SCTR: variants seen among roughly 807,000 people sequenced by gnomAD.
The protein encoded by SCTR is secretin receptor, also known as pancreatic secretin receptor.
In SCTR, 56 loss-of-function variants were observed where a neutral mutation model predicts 60.8. The observed-to-expected ratio is 0.92, with a 90% confidence interval of 0.74 to 1.15. SCTR has a LOEUF of 1.15. Among genes scored for constraint, SCTR ranks in the 50% most tolerant of loss-of-function variants. The pLI is 0.00. For missense variants in SCTR, 562 were observed against 550.4 expected (o/e 1.02, Z -0.21); for synonymous variants, 202 against 217.0 (o/e 0.93, Z 0.61).
chr2:119,507,190 A>G (rs986073473), intron 1 of SCTR, among the ~76,000 whole-genome samples: 7 of 152,236 alleles, frequency 4.6e-5, no homozygotes, highest in Non-Finnish European at 2.9e-5. Context: ...TTCAGGCATT[A>G]CATATGATTA....
chr2:119,523,389 CCGCTATTATTATTATTAT>C (rs1446989652), intron 1 of SCTR, among the ~76,000 whole-genome samples: 8 of 141,250 alleles, frequency 5.7e-5, no homozygotes, highest in African/African-American at 2.1e-4. Flanking sequence ...ACCCATCCTG[CCGCTATTATTATTATTAT>C]TATTATTATT....
chr2:119,517,680 T>C (rs1679157453), intron 1 of SCTR, among the ~76,000 whole-genome samples: 1 of 152,054 alleles, frequency 6.6e-6, no homozygotes, highest in South Asian at 2.1e-4. Flanking sequence ...CTGGATAGAC[T>C]TGGGGAAGTT....
chr2:119,451,422 A>G (rs992967273), intron 9 of SCTR, among the ~76,000 whole-genome samples: 3 of 152,098 alleles, frequency 2.0e-5, no homozygotes, highest in African/African-American at 7.2e-5. Context: ...AGCTATCAGT[A>G]TTTTCTAAAA....
chr2:119,497,251 C>A (rs769571702), intron 1 of SCTR, among the ~76,000 whole-genome samples: 2 of 152,206 alleles, frequency 1.3e-5, no homozygotes, highest in South Asian at 2.1e-4. Context: ...GCTCCTCCCC[C>A]ACTCTGCAGG....
At chr2:119,504,606 AAAAT>A (rs968545838) in intron 1 of SCTR, among the ~76,000 whole-genome samples, 1,843 of 152,062 alleles carry the variant, frequency 0.012, 34 homozygotes, top group African/African-American at 0.041. Flanking sequence ...ATAAAAATTA[AAAAT>A]AAATAAATAA....
chr2:119,514,130 T>A (rs914021815), intron 1 of SCTR, among the ~76,000 whole-genome samples: 1 of 152,186 alleles, frequency 6.6e-6, no homozygotes, highest in Non-Finnish European at 1.5e-5. Flanking sequence ...ACTTCCACCA[T>A]CTCTTTCTTT....
At chr2:119,479,006 G>T (rs1200456367) in intron 2 of SCTR, 88 bp from the exon 3 acceptor site, 1 of 1,564,536 alleles carries the variant, frequency 6.4e-7, no homozygotes, top group Admixed American at 1.9e-5. Context: ...ACCCTTGCCT[G>T]CCTGGAATTC....
chr2:119,468,207 G>T (rs1479171836), intron 4 of SCTR, among the ~76,000 whole-genome samples: 1 of 152,086 alleles, frequency 6.6e-6, no homozygotes, highest in African/African-American at 2.4e-5. Context: ...AGTGGATAAG[G>T]GCTATTTATA....
At chr2:119,462,582 G>A (rs767525594) in intron 6 of SCTR, among the ~76,000 whole-genome samples, 2 of 152,202 alleles carry the variant, frequency 1.3e-5, no homozygotes, top group Non-Finnish European at 2.9e-5. Flanking sequence ...TCTTTTAACA[G>A]GCATGTCCCC....
intron 11 of SCTR, among the ~76,000 whole-genome samples, chr2:119,443,760 T>C (rs1682746215): frequency 6.6e-6 from 1 of 152,214 alleles, no homozygotes; most frequent in South Asian, 2.1e-4. Context: ...TTGCCCAGGC[T>C]GGTCTCGAAC....
chr2:119,466,009 G>A (rs893401090), intron 4 of SCTR, 123 bp from the exon 5 acceptor site: 3 of 657,258 alleles, frequency 4.6e-6, no homozygotes, highest in Admixed American at 4.7e-5. Flanking sequence ...CATACCTCAA[G>A]GACGCCAATT....
At chr2:119,463,265 C>A (rs1251896202) in intron 6 of SCTR, among the ~76,000 whole-genome samples, 1 of 152,176 alleles carries the variant, frequency 6.6e-6, no homozygotes, top group Non-Finnish European at 1.5e-5. Context: ...TCAACTCTAG[C>A]CAATGAGATG....
intron 3 of SCTR, among the ~76,000 whole-genome samples, chr2:119,474,328 GA>G (rs1418267461): frequency 2.0e-5 from 3 of 152,216 alleles, no homozygotes; most frequent in Non-Finnish European, 4.4e-5. Context: ...TTCTCATAGG[GA>G]AGAGGAGAGC....
intron 8 of SCTR, among the ~76,000 whole-genome samples, 174 bp downstream of exon 8, chr2:119,453,113 C>T (rs1049690719): frequency 2.6e-5 from 4 of 152,168 alleles, no homozygotes; most frequent in Non-Finnish European, 4.4e-5. Flanking sequence ...CAAGGCTGCT[C>T]GGCCCACCTG....
intron 2 of SCTR, among the ~76,000 whole-genome samples, chr2:119,488,848 A>G (rs1251736776): frequency 6.6e-6 from 1 of 152,310 alleles, no homozygotes; most frequent in East Asian, 1.9e-4. Flanking sequence ...AAATGGGCAC[A>G]TTGAGGAGTG....
At chr2:119,501,774 CAAA>C (rs1678559817) in intron 1 of SCTR, among the ~76,000 whole-genome samples, 1 of 147,842 alleles carries the variant, frequency 6.8e-6, no homozygotes, top group Non-Finnish European at 1.5e-5. Flanking sequence ...TCAAAAAATA[CAAA>C]GAAGAAGAAG....
chr2:119,449,147 A>G (rs1040744954), intron 9 of SCTR, among the ~76,000 whole-genome samples: 4 of 152,202 alleles, frequency 2.6e-5, no homozygotes, highest in Non-Finnish European at 5.9e-5. Flanking sequence ...AGGTAATACA[A>G]TGCCAAAGCT....
At chr2:119,514,873 T>C (rs541432558) in intron 1 of SCTR, among the ~76,000 whole-genome samples, 32 of 151,726 alleles carry the variant, frequency 2.1e-4, no homozygotes, top group African/African-American at 7.5e-4. Context: ...CTAGACTCTG[T>C]CTCAAAAGAA....
At chr2:119,479,190 C>A in intron 2 of SCTR, 1 of 981,100 alleles carries the variant, frequency 1.0e-6, no homozygotes, top group Non-Finnish European at 1.3e-6. Flanking sequence ...AAGGCGCCCT[C>A]TCCTATAAGC....
Sources: allele counts gnomAD v4.1 joint callset (sites outside exome capture counted in the v4.1 genomes callset), GRCh38; gene constraint gnomAD v4.1.1; transcripts MANE v1.5; gene names NCBI Gene and HGNC (gene_info 2026-07-23, HGNC 2026-07-21).